Variants in DERA observed in about 807,000 individuals in gnomAD.
DERA encodes the protein 2-deoxy-D-ribose 5-phosphate aldolase.
DERA carries 15 observed loss-of-function variants against 41.1 expected under a neutral mutation model. That is an observed-to-expected ratio of 0.37 (90% confidence interval 0.24 to 0.56). The LOEUF (loss-of-function observed/expected upper bound fraction) is 0.56. DERA is among the 20% of genes least tolerant of loss of function. The pLI is 0.81. For synonymous variants in DERA, 139 were observed against 137.4 expected (o/e 1.01, Z -0.08); for missense variants, 396 against 403.4 (o/e 0.98, Z 0.16).
chr12:16,024,348 A>G (rs1233074779), intron 6 of DERA, among the ~76,000 whole-genome samples: 1 of 152,214 alleles, frequency 6.6e-6, no homozygotes, highest in African/African-American at 2.4e-5. Context: ...GCACCTAGAC[A>G]TATTATAGTC....
rs1462271495 is a variant in DERA, at chr12:16,021,365, T to G, written c.638-11177T>G. Among the ~76,000 whole-genome samples, 1 of 152,182 alleles carries G rather than the reference T, an allele frequency of 6.6e-6. No individual in the cohort carries two copies. Among genetic ancestry groups the G allele is most frequent in the Non-Finnish European group, 1.5e-5 (1 of 68,032 alleles). On this transcript the variant is annotated intron_variant, in intron 6 of 8. Coordinates refer to ENST00000428559, the MANE Select transcript of DERA (RefSeq NM_015954.4). The surrounding 1 kb of genome is among the most constrained non-coding windows in gnomAD (Gnocchi z 5.3). ...GTTGTAAGCCTTGCTGGTTTCTATGTGATGTTAAGCCTTGAGGTTCATGGA... is the reference window on the plus strand; with the variant it reads ...GTTGTAAGCCTTGCTGGTTTCTATGGGATGTTAAGCCTTGAGGTTCATGGA...
chr12:16,002,861 T>A (rs1050644024), intron 6 of DERA, among the ~76,000 whole-genome samples: 1 of 152,206 alleles, frequency 6.6e-6, no homozygotes, highest in Non-Finnish European at 1.5e-5. Context: ...ATGTCATTTT[T>A]AAAATCTCCT....
At position 15,952,816 on chromosome 12, in the gene DERA, A is replaced by G. The variant is rs368164343; in HGVS notation, c.32-4120A>G. Reference sequence around the variant, plus strand: ...AGCCTGGTGCTTACAGCACTTTACAAGTAAGCCATAGTCAGTCAAACAAGC... The same window carrying G: ...AGCCTGGTGCTTACAGCACTTTACAGGTAAGCCATAGTCAGTCAAACAAGC... On this transcript the variant is annotated intron_variant, in intron 1 of 8. Coordinates refer to ENST00000428559, the MANE Select transcript of DERA (RefSeq NM_015954.4). Among the ~76,000 whole-genome samples, 11 of 152,364 alleles carry G rather than the reference A, an allele frequency of 7.2e-5. No individual in the cohort carries two copies. In the East Asian group the frequency reaches 1.9e-3, roughly 27 times the overall value.
At chr12:15,917,903 G>T (rs1948212455) in intron 1 of DERA, among the ~76,000 whole-genome samples, 1 of 152,126 alleles carries the variant, frequency 6.6e-6, no homozygotes, top group South Asian at 2.1e-4. Flanking sequence ...TCATTGTGAT[G>T]GGTGACTCTG....
chr12:15,919,102 A>G (rs1948223016), intron 1 of DERA, among the ~76,000 whole-genome samples: 1 of 152,176 alleles, frequency 6.6e-6, no homozygotes, highest in Non-Finnish European at 1.5e-5. Context: ...TTTACCTTAG[A>G]AGTCTTTTAC....
At chr12:15,953,681 C>G (rs746106217) in intron 1 of DERA, among the ~76,000 whole-genome samples, 4 of 152,074 alleles carry the variant, frequency 2.6e-5, no homozygotes, top group Non-Finnish European at 5.9e-5. Flanking sequence ...ATTCTTTGGT[C>G]CTGATGAGAT....
chr12:15,946,094 G>A (rs1366903622), intron 1 of DERA, among the ~76,000 whole-genome samples: 2 of 152,152 alleles, frequency 1.3e-5, no homozygotes, highest in Non-Finnish European at 2.9e-5. Flanking sequence ...GATCATGGTG[G>A]ATAAGCTTTT....
chr12:15,959,734 A>T lies in DERA; in HGVS notation c.278-95A>T. 3 of 758,430 alleles carry T rather than the reference A, an allele frequency of 4.0e-6. No individual in the cohort carries two copies. The highest frequency in any genetic ancestry group is 5.5e-5 in the Admixed American group (2 of 36,542). The allele number at this position is 758,430 out of a possible 1,614,324, so 47.0% of individuals were successfully genotyped here. ...GGGGGAATTATTTTTTTCTCATTTG[A>T]TTTTTGCCAGTGTTGCGATATAAAT... On this transcript the variant is annotated intron_variant, in intron 3 of 8. Transcript: ENST00000428559. This position sits in a 1 kb window ranked among gnomAD's most constrained non-coding sequence, Gnocchi z 4.5.
rs534356135 is a variant in DERA at position 15,955,908 on chromosome 12, G to A, written c.32-1028G>A. On this transcript the variant is annotated intron_variant, in intron 1 of 8. Transcript: ENST00000428559. ...CTTTTTTTCCACAGTACTCTTTTAA[G>A]GCTCTTTTAAAAACATGGAATTGCT... Among the ~76,000 whole-genome samples the A allele has an allele frequency of 3.9e-5, 6 of 152,236 alleles. No homozygotes were observed. In the South Asian group the frequency reaches 1.0e-3, roughly 26 times the overall value.
At position 15,999,454 on chromosome 12, in the gene DERA, C is replaced by A. The variant is rs1948860448; in HGVS notation, c.637+17018C>A. Among the ~76,000 whole-genome samples the A allele has an allele frequency of 2.6e-5, 4 of 152,190 alleles. No homozygotes were observed. Among genetic ancestry groups the A allele is most frequent in the Admixed American group, 2.6e-4 (4 of 15,282 alleles). ...TTTTCCAAGCACTTCAGGAACACAGCTGACCTTCTCTGGAGGAGTCATAGA... is the reference window on the plus strand; with the variant it reads ...TTTTCCAAGCACTTCAGGAACACAGATGACCTTCTCTGGAGGAGTCATAGA... On this transcript the variant is annotated intron_variant, in intron 6 of 8. Transcript: ENST00000428559. The surrounding 1 kb of genome is among the most constrained non-coding windows in gnomAD (Gnocchi z 5.3).
intron 1 of DERA, among the ~76,000 whole-genome samples, chr12:15,912,499 A>G (rs1948171995): frequency 6.6e-6 from 1 of 152,170 alleles, no homozygotes; most frequent in African/African-American, 2.4e-5. Flanking sequence ...AGGATCTTTA[A>G]CTTCTTACCT....
intron 6 of DERA, among the ~76,000 whole-genome samples, chr12:15,987,894 G>A (rs968711088): frequency 5.9e-5 from 9 of 152,124 alleles, no homozygotes; most frequent in Non-Finnish European, 1.2e-4. Flanking sequence ...AGCCAGGCGC[G>A]GAGTGGCAAG....
intron 1 of DERA, among the ~76,000 whole-genome samples, chr12:15,944,447 T>C (rs1305573866): frequency 6.6e-6 from 1 of 152,208 alleles, no homozygotes; most frequent in Non-Finnish European, 1.5e-5. Context: ...GGTATCTCAT[T>C]GTGGTTTTGA....
intron 1 of DERA, among the ~76,000 whole-genome samples, chr12:15,926,144 C>G (rs1324253618): frequency 6.6e-6 from 1 of 151,834 alleles, no homozygotes. Flanking sequence ...CTTTTACAGC[C>G]ACTTTCCTCT....
intron 1 of DERA, among the ~76,000 whole-genome samples, chr12:15,944,690 T>G (rs1348663835): frequency 6.6e-6 from 1 of 152,246 alleles, no homozygotes; most frequent in Non-Finnish European, 1.5e-5. Flanking sequence ...GCCTGTTCAC[T>G]CTAATGGTAG....
rs991949457 is a variant in DERA at position 15,989,628 on chromosome 12, A to G, written c.637+7192A>G. 2.0e-5 allele frequency among the ~76,000 whole-genome samples: 3 copies of G among 152,172 alleles called. No individual in the cohort carries two copies. The highest frequency in any genetic ancestry group is 7.2e-5 in the African/African-American group (3 of 41,460). ...AGGGCGAGTCTGGTGACATTCTGTT[A>G]TGTCTGTTATTCTTCTCTGTTTTTG... On this transcript the variant is annotated intron_variant, in intron 6 of 8. Coordinates refer to ENST00000428559, the MANE Select transcript of DERA (RefSeq NM_015954.4). The surrounding 1 kb of genome is among the most constrained non-coding windows in gnomAD (Gnocchi z 5.2).
rs549914021 is a variant in DERA, at chr12:15,944,645, A to T, written c.32-12291A>T. Among the ~76,000 whole-genome samples, 23 of 152,174 alleles carry T rather than the reference A, an allele frequency of 1.5e-4. 1 individual carries two copies. The highest frequency in any genetic ancestry group is 5.1e-4 in the African/African-American group (21 of 41,516). ...TGGATATTAGCCCTTTGTCAAATGG[A>T]TAGATGGCAAAAATTTTCTCCCATT... On this transcript the variant is annotated intron_variant, in intron 1 of 8. Coordinates refer to ENST00000428559, the MANE Select transcript of DERA (RefSeq NM_015954.4).
At chr12:15,986,035 T>C (rs1948761931) in intron 6 of DERA, among the ~76,000 whole-genome samples, 1 of 152,168 alleles carries the variant, frequency 6.6e-6, no homozygotes, top group African/African-American at 2.4e-5. Context: ...CTCTCTTATG[T>C]ATATATACCT....
In DERA at chr12:15,966,155, G is replaced by T. The variant is rs540700770; in HGVS notation, c.508+3208G>T. On this transcript the variant is annotated intron_variant, in intron 5 of 8. Coordinates refer to ENST00000428559, the MANE Select transcript of DERA (RefSeq NM_015954.4). This position sits in a 1 kb window ranked among gnomAD's most constrained non-coding sequence, Gnocchi z 5.1. ...CCCAGCACTTTGGGAGGCTGAAACA[G>T]GCACTTTGGGAGGCCTCATCACCTC... Among the ~76,000 whole-genome samples, 1 of 152,212 alleles carries T rather than the reference G, an allele frequency of 6.6e-6. No individual in the cohort carries two copies. Among genetic ancestry groups the T allele is most frequent in the African/African-American group, 2.4e-5 (1 of 41,544 alleles).
Sources: gnomAD v4.1 joint callset for allele counts (sites outside exome capture counted in the v4.1 genomes callset) on GRCh38, gnomAD v4.1.1 for gene constraint, Gnocchi (gnomAD v3.1) non-coding constraint, MANE v1.5 for transcripts, NCBI Gene and HGNC (gene_info 2026-07-23, HGNC 2026-07-21) for gene names.